Variants in ST3GAL3 observed in about 807,000 individuals in gnomAD.
ST3GAL3 encodes the protein CMP-N-acetylneuraminate-beta-1,4-galactoside alpha-2,3-sialyltransferase.
Under a neutral mutation model 50.1 loss-of-function variants are expected in ST3GAL3, and 21 were observed. The ratio of observed to expected loss-of-function variants is 0.42; its 90% CI spans 0.30 to 0.60. The LOEUF (loss-of-function observed/expected upper bound fraction) is 0.60. Ranked by LOEUF, ST3GAL3 falls within the 20% of genes least tolerant of loss-of-function variation. The pLI is 0.19. For missense variants in ST3GAL3, 353 were observed against 489.4 expected, an observed-to-expected ratio of 0.72 and a Z score of 2.63; for synonymous variants, 183 against 190.0, an observed-to-expected ratio of 0.96 and a Z score of 0.30.
chr1:43,843,250 C>T (rs2065707971), intron 5 of ST3GAL3, among the ~76,000 whole-genome samples: 1 of 152,182 alleles, frequency 6.6e-6, no homozygotes, highest in African/African-American at 2.4e-5. Context: ...AGGAAGTTCT[C>T]TTCTGTTCCT....
At chr1:43,923,718 T>A (rs1351287540) in intron 11 of ST3GAL3, among the ~76,000 whole-genome samples, 1 of 152,118 alleles carries the variant, frequency 6.6e-6, no homozygotes, top group Non-Finnish European at 1.5e-5. Flanking sequence ...TGGGCTCAAG[T>A]GATCCTCCCA....
chr1:43,926,309 C>A (rs1372419942), intron 11 of ST3GAL3, among the ~76,000 whole-genome samples: 4 of 152,164 alleles, frequency 2.6e-5, no homozygotes, highest in Non-Finnish European at 5.9e-5. Flanking sequence ...GAGCTTCTGG[C>A]CGGGCGCGGT....
rs2058124011 is a variant in ST3GAL3 at position 43,791,899 on chromosome 1, C to G, written c.119-203C>G. On this transcript the variant is annotated intron_variant, in intron 2 of 11. Transcript: ENST00000347631. ...TCCCTGCCTTGAGACGTCTCTCCCT[C>G]TGGCAGGAGGCAAGGGGTACTGGGC... is the stretch of plus-strand genomic sequence containing the variant. Among the ~76,000 whole-genome samples the G allele has an allele frequency of 2.6e-5, 4 of 152,222 alleles. No homozygotes were observed. In the South Asian group the frequency reaches 8.3e-4, roughly 32 times the overall value.
At chr1:43,787,163 G>GCA (rs2057451759) in intron 2 of ST3GAL3, among the ~76,000 whole-genome samples, 2 of 152,204 alleles carry the variant, frequency 1.3e-5, no homozygotes, top group Non-Finnish European at 2.9e-5. Context: ...CAGCAAGGCT[G>GCA]TGCTGTACTT....
intron 7 of ST3GAL3, chr1:43,898,944 G>C: frequency 1.7e-6 from 1 of 598,944 alleles, no homozygotes; most frequent in Non-Finnish European, 2.9e-6. Flanking sequence ...TGTTTTCCTG[G>C]GGAAGTGTCA....
chr1:43,895,570 G>T (rs973750544), intron 6 of ST3GAL3, among the ~76,000 whole-genome samples: 1 of 152,130 alleles, frequency 6.6e-6, no homozygotes, highest in African/African-American at 2.4e-5. Flanking sequence ...GTTGTTGTCA[G>T]AATTACATAA....
chr1:43,718,185 CTTTTTTTT>C (rs57506461), intron 1 of ST3GAL3, among the ~76,000 whole-genome samples: 8 of 83,378 alleles, frequency 9.6e-5, no homozygotes, highest in African/African-American at 3.9e-4. Context: ...ATCATTAAAT[CTTTTTTTT>C]TTTTTTTTTT....
chr1:43,929,089 C>G (rs1195188802), intron 11 of ST3GAL3, among the ~76,000 whole-genome samples: 1 of 152,024 alleles, frequency 6.6e-6, no homozygotes, highest in Non-Finnish European at 1.5e-5. Flanking sequence ...TAGGAAAGGA[C>G]CCTATCCCAG....
chr1:43,765,790 C>CGT (rs1558203371), intron 2 of ST3GAL3, among the ~76,000 whole-genome samples: 1 of 148,418 alleles, frequency 6.7e-6, no homozygotes, highest in Non-Finnish European at 1.5e-5. Flanking sequence ...TGTGTGCGCG[C>CGT]GCGCGCGCGC....
At chr1:43,716,065 A>G (rs1013149698) in intron 1 of ST3GAL3, among the ~76,000 whole-genome samples, 5 of 152,206 alleles carry the variant, frequency 3.3e-5, no homozygotes, top group African/African-American at 1.2e-4. Flanking sequence ...TGGTAACAAC[A>G]TAAGAATGGA....
At chr1:43,833,510 C>G (rs2063821646) in intron 4 of ST3GAL3, among the ~76,000 whole-genome samples, 1 of 152,038 alleles carries the variant, frequency 6.6e-6, no homozygotes, top group African/African-American at 2.4e-5. Context: ...GCCCTTCTTT[C>G]TCAGCATAAC....
At chr1:43,834,892 T>C (rs2064080339) in intron 4 of ST3GAL3, among the ~76,000 whole-genome samples, 1 of 152,354 alleles carries the variant, frequency 6.6e-6, no homozygotes, top group Admixed American at 6.5e-5. Context: ...TCTGTGACAG[T>C]TTCTGATTCC....
chr1:43,782,005 T>C (rs1300302131), intron 2 of ST3GAL3, among the ~76,000 whole-genome samples: 1 of 152,208 alleles, frequency 6.6e-6, no homozygotes, highest in African/African-American at 2.4e-5. Flanking sequence ...TCAGTCTGTA[T>C]TTTACTGGCT....
intron 4 of ST3GAL3, among the ~76,000 whole-genome samples, chr1:43,827,353 ATACT>A (rs1241520928): frequency 1.3e-5 from 2 of 152,248 alleles, no homozygotes; most frequent in Non-Finnish European, 2.9e-5. Context: ...AAAAAGGGAA[ATACT>A]TAGGGATAAA....
At chr1:43,902,737 A>G (rs752806075) in intron 9 of ST3GAL3, among the ~76,000 whole-genome samples, 6 of 152,186 alleles carry the variant, frequency 3.9e-5, no homozygotes, top group Non-Finnish European at 7.3e-5. Flanking sequence ...AGCCAGGGAC[A>G]TGGGGGTGCA....
At chr1:43,717,704 T>C (rs1468452321) in intron 1 of ST3GAL3, among the ~76,000 whole-genome samples, 1 of 151,832 alleles carries the variant, frequency 6.6e-6, no homozygotes, top group Admixed American at 6.6e-5. Flanking sequence ...GATGGGGTTT[T>C]GCCATGTTGC....
At chr1:43,850,698 G>A in intron 5 of ST3GAL3, 3 of 731,340 alleles carry the variant, frequency 4.1e-6, no homozygotes, top group Non-Finnish European at 7.5e-6. Flanking sequence ...AGAACAACCT[G>A]TGACTGTTTG....
intron 11 of ST3GAL3, among the ~76,000 whole-genome samples, chr1:43,923,652 G>T (rs1199925893): frequency 1.3e-5 from 2 of 152,108 alleles, no homozygotes; most frequent in African/African-American, 2.4e-5. Flanking sequence ...GTTTCACTCT[G>T]TTGCCCAAGC....
At chr1:43,864,284 A>G (rs2070767282) in intron 5 of ST3GAL3, among the ~76,000 whole-genome samples, 2 of 152,208 alleles carry the variant, frequency 1.3e-5, no homozygotes, top group African/African-American at 4.8e-5. Flanking sequence ...GTCTCAGGGA[A>G]AAAAAACAAA....
Sources: gnomAD v4.1 joint callset for allele counts (sites outside exome capture counted in the v4.1 genomes callset) on GRCh38, gnomAD v4.1.1 for gene constraint, MANE v1.5 for transcripts, NCBI Gene and HGNC (gene_info 2026-07-23, HGNC 2026-07-21) for gene names.